NRG1: variants seen among roughly 807,000 people sequenced by gnomAD.
The protein encoded by NRG1 is neuregulin 1.
A neutral mutation model predicts 63.8 loss-of-function variants in NRG1; 18 were observed. The ratio of observed to expected loss-of-function variants is 0.28; its 90% CI spans 0.19 to 0.42. The LOEUF (loss-of-function observed/expected upper bound fraction) is 0.42. NRG1 is among the 10% of genes least tolerant of loss of function. The pLI is 1.00. For missense variants in NRG1, 762 were observed against 814.7 expected (o/e 0.94, Z 0.79); for synonymous variants, 302 against 301.3 (o/e 1.00, Z -0.02).
At chr8:31,931,623 A>G (rs562078812) in intron 1 of NRG1, among the ~76,000 whole-genome samples, 2 of 152,336 alleles carry the variant, frequency 1.3e-5, no homozygotes, top group South Asian at 4.1e-4. Flanking sequence ...AAAAATAAAC[A>G]CATGAAGAAA....
At chr8:32,765,316 G>C (rs1362663573) in exon 12 of NRG1, 5 of 152,172 alleles carry the variant, frequency 3.3e-5, no homozygotes, top group African/African-American at 1.2e-4. Flanking sequence ...TTTGAAGCTA[G>C]TGATTGGTTG....
chr8:31,850,097 C>T (rs1827068089), intron 1 of NRG1, among the ~76,000 whole-genome samples: 2 of 152,044 alleles, frequency 1.3e-5, no homozygotes, highest in Admixed American at 6.6e-5. Context: ...TGACCACAAC[C>T]GAGGAGGATT....
At chr8:31,878,089 G>A (rs1292751705) in intron 1 of NRG1, among the ~76,000 whole-genome samples, 11 of 152,134 alleles carry the variant, frequency 7.2e-5, no homozygotes, top group Non-Finnish European at 2.9e-5. Context: ...AGTGTTTGTG[G>A]CATTTAAGAT....
chr8:32,544,915 T>C (rs893996397), upstream of NRG1, among the ~76,000 whole-genome samples: 30 of 151,878 alleles, frequency 2.0e-4, no homozygotes, highest in Middle Eastern at 3.4e-3. Flanking sequence ...AGTGAGATTT[T>C]CTTTGCATTC....
At chr8:32,702,209 A>G (rs1815085019) in intron 5 of NRG1, among the ~76,000 whole-genome samples, 1 of 152,226 alleles carries the variant, frequency 6.6e-6, no homozygotes, top group African/African-American at 2.4e-5. Context: ...TAAGGCATTG[A>G]TTGGAGACTG....
At chr8:31,958,842 G>A (rs1804927710) in intron 1 of NRG1, among the ~76,000 whole-genome samples, 1 of 152,112 alleles carries the variant, frequency 6.6e-6, no homozygotes, top group African/African-American at 2.4e-5. Flanking sequence ...GAGTCCTTTA[G>A]GAAGCTAAAC....
chr8:32,681,663 G>A (rs1808671195), intron 5 of NRG1, among the ~76,000 whole-genome samples: 1 of 152,132 alleles, frequency 6.6e-6, no homozygotes, highest in African/African-American at 2.4e-5. Flanking sequence ...GGAAATATCT[G>A]TAAACAAAGT....
At chr8:32,033,158 G>T (rs1818529919) in intron 1 of NRG1, among the ~76,000 whole-genome samples, 1 of 149,984 alleles carries the variant, frequency 6.7e-6, no homozygotes, top group African/African-American at 2.5e-5. Context: ...GCAGTGGCAG[G>T]ATCTTGGCTC....
chr8:31,956,637 A>G (rs1197440049), intron 1 of NRG1, among the ~76,000 whole-genome samples: 3 of 152,118 alleles, frequency 2.0e-5, no homozygotes, highest in African/African-American at 4.8e-5. Flanking sequence ...AAAAAAAAGT[A>G]TTCTGTGAGC....
rs559548379 is a variant in NRG1 at position 32,378,696 on chromosome 8, G to A, written c.38-217132G>A. ...AGGTTAGTTACATATTTATACATGT[G>A]CCATGTTGGTGTGCTTCACCCAGTA... On this transcript the variant is annotated intron_variant, in intron 1 of 10. Coordinates refer to the NRG1 transcript ENST00000519301. Among the ~76,000 whole-genome samples, 484 of 152,078 alleles carry A rather than the reference G, an allele frequency of 3.2e-3. 3 individuals carry two copies. The highest frequency in any genetic ancestry group is 0.011 in the African/African-American group (464 of 41,488).
intron 1 of NRG1, among the ~76,000 whole-genome samples, chr8:31,794,705 G>A (rs1037112407): frequency 1.3e-5 from 2 of 151,954 alleles, no homozygotes. Context: ...GTTAGGTTGT[G>A]TCATTTATGT....
intron 1 of NRG1, among the ~76,000 whole-genome samples, chr8:32,451,435 A>G (rs1462904782): frequency 5.3e-5 from 8 of 152,204 alleles, no homozygotes; most frequent in Non-Finnish European, 7.3e-5. Flanking sequence ...CCTCCTTCCC[A>G]GCACAAGAAT....
intron 5 of NRG1, among the ~76,000 whole-genome samples, chr8:32,622,673 G>T (rs990415937): frequency 6.6e-6 from 1 of 152,102 alleles, no homozygotes; most frequent in Non-Finnish European, 1.5e-5. Flanking sequence ...GGAATTGCAG[G>T]CATAAGCCAC....
chr8:32,086,029 T>G (rs1439230940), intron 1 of NRG1, among the ~76,000 whole-genome samples: 1 of 152,200 alleles, frequency 6.6e-6, no homozygotes, highest in East Asian at 1.9e-4. Context: ...TGTGAAATCC[T>G]CACAAGGCAC....
intron 1 of NRG1, among the ~76,000 whole-genome samples, chr8:32,242,560 G>A (rs985823464): frequency 1.3e-5 from 2 of 152,178 alleles, no homozygotes; most frequent in Non-Finnish European, 2.9e-5. Flanking sequence ...TAGTGGCGGT[G>A]AAGATGTGAA....
At chr8:32,468,389 A>C (rs773089666) in intron 1 of NRG1, among the ~76,000 whole-genome samples, 3 of 152,128 alleles carry the variant, frequency 2.0e-5, no homozygotes, top group Non-Finnish European at 4.4e-5. Context: ...TCTTAACTCT[A>C]ATTTAAAAAA....
intron 1 of NRG1, chr8:32,192,193 A>G (rs565758488): frequency 6.6e-6 from 1 of 152,324 alleles, no homozygotes; most frequent in Non-Finnish European, 1.5e-5. Context: ...GTGATTTCTC[A>G]AAGAACTTAA....
At position 32,662,974 on chromosome 8, in the gene NRG1, T is replaced by A. The variant is rs190397738; in HGVS notation, c.502+46089T>A. ...ATACGGCTTTATGTGTGACTAGAGATCCTTATAAATACAAAAGAAAAGTTG... is the reference window on the plus strand; with the variant it reads ...ATACGGCTTTATGTGTGACTAGAGAACCTTATAAATACAAAAGAAAAGTTG... On this transcript the variant is annotated intron_variant, in intron 5 of 11. Coordinates refer to ENST00000356819, the Ensembl canonical transcript of NRG1. Among the ~76,000 whole-genome samples the A allele has an allele frequency of 3.4e-3, 514 of 152,224 alleles. 2 individuals carry two copies. Among genetic ancestry groups the A allele is most frequent in the Non-Finnish European group, 5.8e-3 (393 of 68,012 alleles).
chr8:32,621,996 C>T (rs1400043231), intron 5 of NRG1, among the ~76,000 whole-genome samples: 2 of 152,204 alleles, frequency 1.3e-5, no homozygotes, highest in African/African-American at 4.8e-5. Context: ...AAGTAAATGA[C>T]TTGTCTGGGG....
Sources: gnomAD v4.1 joint callset for allele counts (sites outside exome capture counted in the v4.1 genomes callset) on GRCh38, gnomAD v4.1.1 for gene constraint, MANE v1.5 for transcripts, NCBI Gene and HGNC (gene_info 2026-07-23, HGNC 2026-07-21) for gene names.